Variants in WDPCP observed in about 807,000 individuals in gnomAD.
The protein encoded by WDPCP is WD repeat-containing and planar cell polarity effector protein fritz homolog.
A neutral mutation model predicts 93.1 loss-of-function variants in WDPCP; 71 were observed. The ratio of observed to expected loss-of-function variants is 0.76; its 90% confidence interval spans 0.63 to 0.93. The LOEUF (loss-of-function observed/expected upper bound fraction) is 0.93, where lower values mean the gene tolerates loss of function less well. Among genes scored for constraint, WDPCP ranks in the 40% least tolerant of loss-of-function variants. The pLI is 0.00. For synonymous variants in WDPCP, 315 were observed against 315.0 expected, an observed-to-expected ratio of 1.00 and a Z score of 0.00; for missense variants, 844 against 887.4, an observed-to-expected ratio of 0.95 and a Z score of 0.62.
intron 2 of WDPCP, among the ~76,000 whole-genome samples, chr2:63,747,171 A>T (rs563564403): frequency 5.9e-5 from 9 of 152,274 alleles, no homozygotes; most frequent in African/African-American, 1.9e-4. Flanking sequence ...CAGCTCTTGC[A>T]TACTATAGAT....
rs369029320 is a variant in WDPCP, at chr2:63,264,227, A to G, written c.1813-4818T>C. ...GACGCAACTACATGCTGTGTACAAG[A>G]GGCTCACTTCACCTCTGAGGACACA... On this transcript the variant is annotated intron_variant, in intron 13 of 17. Transcript: ENST00000272321. 2.0e-5 allele frequency among the ~76,000 whole-genome samples: 3 copies of G among 152,226 alleles called. No individual in the cohort carries two copies. In the East Asian group the frequency reaches 5.8e-4, roughly 29 times the overall value.
intron 17 of WDPCP, among the ~76,000 whole-genome samples, chr2:63,145,166 CTG>C (rs1232917240): frequency 1.3e-5 from 2 of 152,078 alleles, no homozygotes; most frequent in Admixed American, 1.3e-4. Context: ...GATGGCAGGG[CTG>C]TGTGATGGAC....
chr2:63,737,991 T>TA (rs1449028853), intron 2 of WDPCP, among the ~76,000 whole-genome samples: 2 of 152,166 alleles, frequency 1.3e-5, no homozygotes, highest in African/African-American at 4.8e-5. Context: ...TGTTAAAACT[T>TA]AGATTGCTGG....
At chr2:63,172,880 G>A (rs1405584264) in intron 15 of WDPCP, among the ~76,000 whole-genome samples, 1 of 152,042 alleles carries the variant, frequency 6.6e-6, no homozygotes, top group Non-Finnish European at 1.5e-5. Flanking sequence ...GGGCACTTTT[G>A]GCATTTGGGT....
At chr2:63,655,152 T>C (rs1710152248) in intron 2 of WDPCP, among the ~76,000 whole-genome samples, 1 of 152,174 alleles carries the variant, frequency 6.6e-6, no homozygotes, top group African/African-American at 2.4e-5. Flanking sequence ...GGCCAGGAAA[T>C]GTTAAAAAGC....
At chr2:63,568,669 G>C (rs1707257961) in intron 1 of WDPCP, among the ~76,000 whole-genome samples, 1 of 152,186 alleles carries the variant, frequency 6.6e-6, no homozygotes, top group Admixed American at 6.5e-5. Context: ...CTCACATTTT[G>C]TATTTGTCCC....
rs117574965 is a variant in WDPCP at position 63,719,161 on chromosome 2, C to T, written n.309-68323G>A. ...GGACTATGAGGGACCAAAGAACTAGCAAGAGTGGCATGACATTACTCTCTC... is the reference window on the plus strand; with the variant it reads ...GGACTATGAGGGACCAAAGAACTAGTAAGAGTGGCATGACATTACTCTCTC... On this transcript the variant is annotated intron_variant and non_coding_transcript_variant, in intron 2 of 4. Transcript: ENST00000467687. 1.8e-4 allele frequency among the ~76,000 whole-genome samples: 27 copies of T among 152,246 alleles called. No individual in the cohort carries two copies. The East Asian group carries it at 5.0e-3, about 28-fold the overall frequency.
At chr2:63,600,107 T>TA (rs1709391617) in intron 3 of WDPCP, 3 of 143,528 alleles carry the variant, frequency 2.1e-5, no homozygotes, top group Non-Finnish European at 4.7e-5. Flanking sequence ...AACTTTAGTT[T>TA]CAAAAAAAAA....
chr2:63,271,614 A>T (rs577660326), intron 13 of WDPCP, among the ~76,000 whole-genome samples: 1 of 152,282 alleles, frequency 6.6e-6, no homozygotes, highest in African/African-American at 2.4e-5. Context: ...GCTTGAAAAC[A>T]GGCCTGCCCT....
intron 13 of WDPCP, among the ~76,000 whole-genome samples, chr2:63,290,188 A>T (rs1157843439): frequency 6.6e-6 from 1 of 151,982 alleles, no homozygotes; most frequent in Non-Finnish European, 1.5e-5. Flanking sequence ...ATATTTTAAA[A>T]GTATTTTAAA....
chr2:63,535,494 T>C (rs1704205489), intron 1 of WDPCP, among the ~76,000 whole-genome samples: 1 of 152,184 alleles, frequency 6.6e-6, no homozygotes, highest in African/African-American at 2.4e-5. Flanking sequence ...AACAGCATGG[T>C]ACTGGTACCA....
At chr2:63,340,719 C>T (rs1259388609) in intron 12 of WDPCP, among the ~76,000 whole-genome samples, 1 of 152,108 alleles carries the variant, frequency 6.6e-6, no homozygotes, top group Non-Finnish European at 1.5e-5. Flanking sequence ...AATGTTTTCA[C>T]TTCTCTGTGG....
intron 11 of WDPCP, among the ~76,000 whole-genome samples, chr2:63,381,639 T>C (rs190816861): frequency 6.6e-6 from 1 of 152,170 alleles, no homozygotes; most frequent in Admixed American, 6.5e-5. Flanking sequence ...GTCTGTGAGC[T>C]TAGACTGAAT....
intron 2 of WDPCP, among the ~76,000 whole-genome samples, chr2:63,687,310 C>T (rs1253226224): frequency 6.6e-6 from 1 of 152,086 alleles, no homozygotes. Context: ...CACAGGCAAC[C>T]AAAGCAAAAA....
At chr2:63,573,311 T>C (rs1707671493) in intron 1 of WDPCP, among the ~76,000 whole-genome samples, 1 of 151,868 alleles carries the variant, frequency 6.6e-6, no homozygotes, top group African/African-American at 2.4e-5. Context: ...TTGCAACTTG[T>C]TGTGGGAAGT....
At chr2:63,541,405 A>C (rs1704714189) in intron 1 of WDPCP, among the ~76,000 whole-genome samples, 2 of 152,220 alleles carry the variant, frequency 1.3e-5, no homozygotes, top group Non-Finnish European at 2.9e-5. Flanking sequence ...ACAATTATAC[A>C]TGGTTTTTCA....
In WDPCP at chr2:63,203,628, C is replaced by T. The variant is rs376458914; in HGVS notation, c.1916-28796G>A. ...TATTTTGTTGTACCCAATAACCATC[C>T]TCACTTCCCCGCTACCTCCATTACC... On this transcript the variant is annotated intron_variant, in intron 14 of 17. Coordinates refer to ENST00000272321, the MANE Select transcript of WDPCP (RefSeq NM_015910.7). 2.9e-4 allele frequency among the ~76,000 whole-genome samples: 44 copies of T among 152,232 alleles called. 2 individuals are homozygous for T. The South Asian group carries it at 8.9e-3, about 31-fold the overall frequency.
chr2:63,560,078 C>T (rs7577952), intron 1 of WDPCP, among the ~76,000 whole-genome samples: 121,887 of 151,684 alleles, frequency 0.8, 49,649 homozygotes, highest in East Asian at 0.98. Context: ...AAAAAATTAG[C>T]CAGGCGTGGT....
intron 2 of WDPCP, among the ~76,000 whole-genome samples, chr2:63,755,855 A>G (rs1669960536): frequency 6.6e-6 from 1 of 152,254 alleles, no homozygotes; most frequent in African/African-American, 2.4e-5. Context: ...AAAATTAGTA[A>G]CCAAGGTGCA....
Sources: allele counts gnomAD v4.1 joint callset (sites outside exome capture counted in the v4.1 genomes callset), GRCh38; gene constraint gnomAD v4.1.1; transcripts MANE v1.5; gene names NCBI Gene and HGNC (gene_info 2026-07-23, HGNC 2026-07-21).